FSTL5: variants seen among roughly 807,000 people sequenced by gnomAD.
FSTL5 encodes follistatin like 5.
FSTL5 carries 62 observed loss-of-function variants against 89.1 expected under a neutral mutation model. The observed-to-expected ratio is 0.70, with a 90% CI of 0.57 to 0.86. FSTL5 has a LOEUF of 0.86. FSTL5 is among the 40% of genes least tolerant of loss of function. The probability of loss-of-function intolerance (pLI) is 0.00; values close to 1 mark genes in which losing one functional copy is unlikely to be tolerated. For synonymous variants in FSTL5, 383 were observed against 346.2 expected (o/e 1.11, Z -1.18); for missense variants, 1,057 against 1,001.6 (o/e 1.06, Z -0.75).
intron 4 of FSTL5, among the ~76,000 whole-genome samples, chr4:161,840,277 A>G (rs1194100125): frequency 1.3e-5 from 2 of 152,162 alleles, no homozygotes; most frequent in Non-Finnish European, 2.9e-5. Context: ...TGAAGATAAA[A>G]GTGGAATTTA....
chr4:161,979,274 C>T (rs1578913250), intron 3 of FSTL5, among the ~76,000 whole-genome samples: 1 of 152,168 alleles, frequency 6.6e-6, no homozygotes, highest in East Asian at 1.9e-4. Flanking sequence ...AAACATGTGG[C>T]ATAGATTTGA....
chr4:161,686,515 T>G (rs914186595), intron 6 of FSTL5, among the ~76,000 whole-genome samples: 5 of 150,618 alleles, frequency 3.3e-5, no homozygotes, highest in African/African-American at 1.2e-4. Context: ...CCCGCCACCA[T>G]GCCCAGCTAA....
At chr4:161,780,164 TATAA>T (rs1385960733) in intron 4 of FSTL5, among the ~76,000 whole-genome samples, 3 of 148,490 alleles carry the variant, frequency 2.0e-5, no homozygotes, top group Admixed American at 6.7e-5. Flanking sequence ...ATAATTATTG[TATAA>T]ATAAATAATT....
intron 3 of FSTL5, among the ~76,000 whole-genome samples, chr4:162,016,408 A>G (rs1736916735): frequency 6.6e-6 from 1 of 152,228 alleles, no homozygotes; most frequent in Non-Finnish European, 1.5e-5. Context: ...AGAGAATCAC[A>G]TCAACCCTAT....
intron 4 of FSTL5, among the ~76,000 whole-genome samples, chr4:161,905,016 G>T (rs915375692): frequency 6.6e-6 from 1 of 151,936 alleles, no homozygotes; most frequent in South Asian, 2.1e-4. Context: ...TAAAAGGGCA[G>T]TTGGAGACAT....
At chr4:162,045,479 C>A (rs1324717388) in intron 2 of FSTL5, among the ~76,000 whole-genome samples, 1 of 151,730 alleles carries the variant, frequency 6.6e-6, no homozygotes, top group African/African-American at 2.4e-5. Flanking sequence ...CACATGTACC[C>A]CATAAATATA....
At chr4:161,466,450 G>A (rs1417774796) in intron 13 of FSTL5, among the ~76,000 whole-genome samples, 2 of 152,138 alleles carry the variant, frequency 1.3e-5, no homozygotes, top group Non-Finnish European at 2.9e-5. Context: ...TTATCAGTCT[G>A]ACAAGGAAAG....
intron 1 of FSTL5, among the ~76,000 whole-genome samples, chr4:162,114,410 CCTGA>C (rs1424513165): frequency 6.6e-6 from 1 of 151,986 alleles, no homozygotes; most frequent in African/African-American, 2.4e-5. Flanking sequence ...TTCCTTCCAC[CCTGA>C]CTGAGTACAA....
intron 13 of FSTL5, among the ~76,000 whole-genome samples, chr4:161,470,753 TC>T (rs1244019487): frequency 6.6e-6 from 1 of 152,170 alleles, no homozygotes; most frequent in Non-Finnish European, 1.5e-5. Context: ...TTTATATATC[TC>T]CTTTAATTTC....
chr4:161,823,215 T>C (rs1730549853), intron 4 of FSTL5, among the ~76,000 whole-genome samples: 1 of 152,086 alleles, frequency 6.6e-6, no homozygotes. Context: ...GTCCCTCGCT[T>C]GAAGGTCCTG....
At chr4:161,774,695 A>C (rs887506426) in intron 5 of FSTL5, among the ~76,000 whole-genome samples, 2 of 152,118 alleles carry the variant, frequency 1.3e-5, no homozygotes, top group African/African-American at 2.4e-5. Context: ...AACTCTCAAA[A>C]TAACAATATA....
At chr4:162,119,806 C>T (rs1731785159) in intron 1 of FSTL5, among the ~76,000 whole-genome samples, 1 of 152,088 alleles carries the variant, frequency 6.6e-6, no homozygotes, top group South Asian at 2.1e-4. Context: ...TTTACCAAAT[C>T]TGTCCCTGTG....
intron 1 of FSTL5, among the ~76,000 whole-genome samples, chr4:162,144,834 G>A (rs965037672): frequency 2.6e-5 from 4 of 151,732 alleles, no homozygotes; most frequent in Admixed American, 6.6e-5. Flanking sequence ...TTATAAAAAC[G>A]TATGCTGTCT....
At chr4:161,605,485 C>CT (rs1043286852) in intron 7 of FSTL5, among the ~76,000 whole-genome samples, 5 of 152,050 alleles carry the variant, frequency 3.3e-5, no homozygotes, top group Admixed American at 2.0e-4. Context: ...TTTCAAAATA[C>CT]TTTTTTTTCC....
chr4:162,050,602 T>C (rs562254021), intron 2 of FSTL5, among the ~76,000 whole-genome samples: 2 of 150,526 alleles, frequency 1.3e-5, no homozygotes, highest in Non-Finnish European at 3.0e-5. Context: ...AAAGACTTTA[T>C]TAAAAAAAAA....
At chr4:161,738,700 T>C (rs898447590) in intron 6 of FSTL5, among the ~76,000 whole-genome samples, 5 of 152,148 alleles carry the variant, frequency 3.3e-5, no homozygotes, top group Admixed American at 6.5e-5. Flanking sequence ...CAAACTCAAA[T>C]AATAATGCTT....
intron 2 of FSTL5, among the ~76,000 whole-genome samples, chr4:162,080,199 A>G (rs1322118072): frequency 2.0e-5 from 3 of 151,654 alleles, no homozygotes; most frequent in African/African-American, 7.3e-5. Flanking sequence ...GCCTCTTTCA[A>G]TATAATTTAT....
At chr4:162,036,076 T>C (rs1185747840) in intron 2 of FSTL5, among the ~76,000 whole-genome samples, 1 of 152,126 alleles carries the variant, frequency 6.6e-6, no homozygotes, top group Non-Finnish European at 1.5e-5. Flanking sequence ...ATTGAGGTCT[T>C]ATCTTTCTTC....
intron 2 of FSTL5, among the ~76,000 whole-genome samples, chr4:162,048,557 G>C (rs1274300600): frequency 6.6e-6 from 1 of 151,482 alleles, no homozygotes; most frequent in Non-Finnish European, 1.5e-5. Flanking sequence ...TTGGGAAAAT[G>C]TTGACTTACT....
Sources: gnomAD v4.1 joint callset for allele counts (sites outside exome capture counted in the v4.1 genomes callset) on GRCh38, gnomAD v4.1.1 for gene constraint, MANE v1.5 for transcripts, NCBI Gene and HGNC (gene_info 2026-07-23, HGNC 2026-07-21) for gene names.